DCAF12: variants seen among roughly 807,000 people sequenced by gnomAD.
DCAF12 encodes the protein DDB1 and CUL4 associated factor 12.
A neutral mutation model predicts 52.8 loss-of-function variants in DCAF12; 28 were observed. That is an observed-to-expected ratio of 0.53 (90% CI 0.39 to 0.73). DCAF12 has a LOEUF of 0.73. Among genes scored for constraint, DCAF12 ranks in the 30% least tolerant of loss-of-function variants. The pLI is 0.00. For synonymous variants in DCAF12, 196 were observed against 215.5 expected, an observed-to-expected ratio of 0.91 and a Z score of 0.79; for missense variants, 425 against 552.2, an observed-to-expected ratio of 0.77 and a Z score of 2.31.
intron 2 of DCAF12, 25 bp from the exon 3 acceptor site, chr9:34,107,590 G>C: frequency 1.9e-6 from 3 of 1,608,670 alleles, no homozygotes; most frequent in Non-Finnish European, 2.6e-6. Flanking sequence ...GGATACAGAA[G>C]CTGAACATAA....
intron 2 of DCAF12, among the ~76,000 whole-genome samples, chr9:34,116,214 G>T (rs780416438): frequency 6.6e-6 from 1 of 151,796 alleles, no homozygotes; most frequent in Non-Finnish European, 1.5e-5. Context: ...AAAATTAGCC[G>T]GGCATGGTGG....
At position 34,096,718 on chromosome 9, in the gene DCAF12, T is replaced by G. The variant is rs1289989096; in HGVS notation, c.859A>C (p.Lys287Gln). The change falls in exon 6 of 9, where the codon AAG becomes CAG. Residue 287 changes from lysine to glutamine, a missense_variant and splice_region_variant. By Grantham distance (53) the Lys-to-Gln change is moderately conservative. Around this residue, in one of 3 missense-constraint regions of DCAF12, gnomAD observed 328 missense variants for 444.4 expected, o/e 0.74. Transcript: ENST00000361264. ...CCACAAAATCATGTTCATCACACCT[T>G]AGATAGTGTATTTTCAGCCTTCCAG... The part of the protein sequence containing the change: ...HLWKAENTLS[K>Q]LLSTKLPYCR... 1 of 1,613,684 alleles carries G rather than the reference T, an allele frequency of 6.2e-7. No homozygotes were observed. The highest frequency in any genetic ancestry group is 8.5e-7 in the Non-Finnish European group (1 of 1,179,792).
At chr9:34,091,187 C>A (rs988456280) in intron 7 of DCAF12, among the ~76,000 whole-genome samples, 5 of 151,748 alleles carry the variant, frequency 3.3e-5, no homozygotes, top group African/African-American at 1.2e-4. Flanking sequence ...ATTAGCTGGG[C>A]ATGGTGGTAC....
chr9:34,121,994 C>A (rs1280512516), intron 2 of DCAF12, among the ~76,000 whole-genome samples: 5 of 152,052 alleles, frequency 3.3e-5, no homozygotes, highest in East Asian at 1.9e-4. Flanking sequence ...TTCTTGAATT[C>A]TTTTCTGTAT....
intron 7 of DCAF12, among the ~76,000 whole-genome samples, chr9:34,090,709 C>T (rs1828629682): frequency 6.6e-6 from 1 of 151,950 alleles, no homozygotes; most frequent in Non-Finnish European, 1.5e-5. Context: ...AGCTGGAGTA[C>T]TGTGGCACAA....
Position 34,099,696 on chromosome 9 carries a change from C to G in DCAF12, c.602-1179G>C, listed in dbSNP as rs538294148. ...GCAACCACCACCTCCCGGGTTCAAG[C>G]GATTCTCCTGCCTCAGCCTCCCGAG... On this transcript the variant is annotated intron_variant, in intron 4 of 8. Coordinates refer to ENST00000361264, the MANE Select transcript of DCAF12 (RefSeq NM_015397.4). Among the ~76,000 whole-genome samples, 10 of 151,822 alleles carry G rather than the reference C, an allele frequency of 6.6e-5. No homozygotes were observed. In the East Asian group the frequency reaches 1.7e-3, roughly 27 times the overall value.
intron 2 of DCAF12, chr9:34,109,281 A>C (rs1828959448): frequency 5.1e-6 from 1 of 194,576 alleles, no homozygotes; most frequent in Non-Finnish European, 1.1e-5. Context: ...ACTCCATCTC[A>C]TCCATGCCAC....
chr9:34,106,652 A>G (rs1828909414), intron 3 of DCAF12, among the ~76,000 whole-genome samples, 158 bp from the exon 4 acceptor site: 3 of 152,224 alleles, frequency 2.0e-5, no homozygotes, highest in Non-Finnish European at 1.5e-5. Context: ...ACAGAGAATG[A>G]TCAATCTTTA....
intron 4 of DCAF12, among the ~76,000 whole-genome samples, chr9:34,103,551 G>T (rs1216950673): frequency 6.6e-6 from 1 of 151,724 alleles, no homozygotes; most frequent in Non-Finnish European, 1.5e-5. Flanking sequence ...ATAAAACAGA[G>T]TATCAAGAAA....
At chr9:34,091,141 A>T (rs956982232) in intron 7 of DCAF12, among the ~76,000 whole-genome samples, 10 of 152,030 alleles carry the variant, frequency 6.6e-5, no homozygotes, top group African/African-American at 2.2e-4. Flanking sequence ...AGTCTGGCCA[A>T]CATGGTGAAA....
chr9:34,104,164 C>A (rs1828870714), intron 4 of DCAF12, among the ~76,000 whole-genome samples: 1 of 151,750 alleles, frequency 6.6e-6, no homozygotes, highest in South Asian at 2.1e-4. Flanking sequence ...ACTTGGGAGG[C>A]CGAGGCAAGA....
intron 6 of DCAF12, chr9:34,096,042 T>G (rs1828729889): frequency 6.6e-6 from 1 of 152,032 alleles, no homozygotes; most frequent in Admixed American, 6.6e-5. Flanking sequence ...TGCCCAGGCC[T>G]TTGGAGAACT....
chr9:34,121,047 G>A (rs1479107684), intron 2 of DCAF12, among the ~76,000 whole-genome samples: 2 of 151,934 alleles, frequency 1.3e-5, no homozygotes, highest in East Asian at 3.9e-4. Flanking sequence ...CCAGCCACTC[G>A]GGAGGCAGAG....
intron 6 of DCAF12, among the ~76,000 whole-genome samples, chr9:34,094,656 G>A (rs368084268): frequency 6.7e-6 from 1 of 149,550 alleles, no homozygotes; most frequent in South Asian, 2.2e-4. Flanking sequence ...TCAGCTTCCC[G>A]GGTAGCTGGG....
intron 2 of DCAF12, among the ~76,000 whole-genome samples, chr9:34,114,889 C>A (rs922512043): frequency 1.3e-5 from 2 of 152,014 alleles, no homozygotes; most frequent in African/African-American, 4.8e-5. Context: ...ATCTCATGGG[C>A]CCAGGAGGTC....
chr9:34,108,812 A>AATAAAT (rs1554700902), intron 2 of DCAF12, among the ~76,000 whole-genome samples: 1 of 139,314 alleles, frequency 7.2e-6, no homozygotes, highest in African/African-American at 2.6e-5. Flanking sequence ...TAAATAAATA[A>AATAAAT]ATATATATAT....
intron 3 of DCAF12, 103 bp downstream of exon 3, chr9:34,107,256 G>T: frequency 1.8e-6 from 2 of 1,116,086 alleles, no homozygotes; most frequent in Non-Finnish European, 2.7e-6. Context: ...CCTATGGGGA[G>T]TCCAGTCCCC....
At position 34,093,344 on chromosome 9, in the gene DCAF12, C is replaced by T. The variant is rs1216961300; in HGVS notation, c.966G>A (p.Leu322=). 6.2e-7 allele frequency: 1 copy of T among 1,614,096 alleles called. No individual in the cohort carries two copies. The highest frequency in any genetic ancestry group is 8.5e-7 in the Non-Finnish European group (1 of 1,180,044). ...CGTTGTATGATGGCTGCCGTGGATC[C>T]AAGAAGGAGACATGAGCTTGGGAGC... ...AVGSQAHVSF[L]DPRQPSYNVK... is the part of the protein sequence containing the mutation. Residue 322 remains leucine (L), a synonymous_variant, in exon 7 of 9, where the codon TTG becomes TTA. Transcript: ENST00000361264.
rs899811729 is a variant in DCAF12, at chr9:34,126,358, G to C, written c.74C>G (p.Pro25Arg). ...TGCCGGCCTCTCAACCCTCACCTGC[G>C]GGCCCTGAGCGTCGCTCCCAGCTCC... ...SPGAGSDAQG[P>R]QFGWDHSLHK... Residue 25 changes from proline (P) to arginine (R), a missense_variant, in exon 1 of 9, where the codon CCG (proline) becomes CGG (arginine). Pro to Arg is a moderately radical substitution (Grantham distance 103). This residue lies in a region of DCAF12 where 89 missense variants were observed against 84.9 expected (regional missense o/e 1.05). Coordinates refer to ENST00000361264, the MANE Select transcript of DCAF12 (RefSeq NM_015397.4). 4 of 1,612,390 alleles carry C rather than the reference G, an allele frequency of 2.5e-6. No individual in the cohort carries two copies. In the African/African-American group the frequency reaches 4.0e-5, roughly 16 times the overall value.
Sources: gnomAD v4.1 joint callset for allele counts (sites outside exome capture counted in the v4.1 genomes callset) on GRCh38, gnomAD v4.1.1 for gene constraint, gnomAD v4.1.1 regional missense constraint, MANE v1.5 for transcripts, NCBI Gene and HGNC (gene_info 2026-07-23, HGNC 2026-07-21) for gene names.